The following MRPL1 variants were observed in gnomAD, a reference collection of about 807,000 sequenced individuals.
MRPL1 encodes the protein mitochondrial ribosomal protein L1, also known as large ribosomal subunit protein uL1m.
In MRPL1, 28 loss-of-function variants were observed where a neutral mutation model predicts 38.0. The observed-to-expected ratio is 0.74, with a 90% CI of 0.55 to 1.01. MRPL1 has a LOEUF of 1.01. Among genes scored for constraint, MRPL1 ranks in the 50% least tolerant of loss-of-function variants. MRPL1 has a pLI of 0.00. For missense variants in MRPL1, 358 were observed against 389.8 expected (o/e 0.92, Z 0.69); for synonymous variants, 123 against 126.7 (o/e 0.97, Z 0.20).
chr4:77,949,968 G>A (rs757671767), intron 8 of MRPL1, 90 bp downstream of exon 8: 39 of 623,040 alleles, frequency 6.3e-5, no homozygotes, highest in Non-Finnish European at 1.0e-4. Flanking sequence ...TAACATGCAA[G>A]TATAATAGCA....
intron 6 of MRPL1, among the ~76,000 whole-genome samples, chr4:77,896,419 C>T (rs1389883190): frequency 6.6e-6 from 1 of 152,132 alleles, no homozygotes; most frequent in Non-Finnish European, 1.5e-5. Flanking sequence ...CTGACACCTT[C>T]TTTTCACCCC....
intron 2 of MRPL1, among the ~76,000 whole-genome samples, chr4:77,882,461 C>T (rs2110234635): frequency 6.6e-6 from 1 of 152,232 alleles, no homozygotes; most frequent in Non-Finnish European, 1.5e-5. Flanking sequence ...GAACCCCATG[C>T]CCATGAGCAT....
intron 6 of MRPL1, among the ~76,000 whole-genome samples, chr4:77,906,259 T>C (rs1736156075): frequency 6.6e-6 from 1 of 152,112 alleles, no homozygotes; most frequent in Non-Finnish European, 1.5e-5. Context: ...CTCCTGCTGA[T>C]AGGTCAAGTC....
At chr4:77,876,873 G>A (rs189454251) in intron 2 of MRPL1, among the ~76,000 whole-genome samples, 1 of 151,540 alleles carries the variant, frequency 6.6e-6, no homozygotes, top group African/African-American at 2.4e-5. Flanking sequence ...CTTGACTGTG[G>A]GTTTTTTCTT....
At chr4:77,889,557 T>G (rs1735759690) in intron 5 of MRPL1, among the ~76,000 whole-genome samples, 1 of 151,876 alleles carries the variant, frequency 6.6e-6, no homozygotes, top group Non-Finnish European at 1.5e-5. Context: ...CACCCTAACA[T>G]CACAATTAAA....
At chr4:77,902,861 G>A (rs530103275) in intron 6 of MRPL1, among the ~76,000 whole-genome samples, 3 of 152,294 alleles carry the variant, frequency 2.0e-5, no homozygotes, top group African/African-American at 7.2e-5. Flanking sequence ...AATTAGTCAT[G>A]TATAAGTTCT....
chr4:77,930,523 G>A (rs1000733842), intron 7 of MRPL1, among the ~76,000 whole-genome samples: 3 of 152,222 alleles, frequency 2.0e-5, no homozygotes, highest in Non-Finnish European at 2.9e-5. Context: ...ATCTGAGGCG[G>A]AGCCGAGTTA....
intron 1 of MRPL1, among the ~76,000 whole-genome samples, chr4:77,863,339 C>T (rs2110224462): frequency 6.6e-6 from 1 of 152,054 alleles, no homozygotes; most frequent in Non-Finnish European, 1.5e-5. Context: ...CATAGGTGGT[C>T]TAATTTGGAT....
intron 1 of MRPL1, among the ~76,000 whole-genome samples, 194 bp from the exon 2 acceptor site, chr4:77,871,550 C>T (rs1234631085): frequency 2.0e-5 from 3 of 152,110 alleles, no homozygotes; most frequent in East Asian, 3.9e-4. Context: ...GTGATTCACC[C>T]GCCTCAGCCT....
intron 5 of MRPL1, 144 bp from the exon 6 acceptor site, chr4:77,893,995 T>C: frequency 1.7e-6 from 1 of 585,376 alleles, no homozygotes; most frequent in East Asian, 3.1e-5. Context: ...GACAGGTGTA[T>C]TTGTATGATC....
At chr4:77,935,692 G>A (rs1404203493) in intron 7 of MRPL1, among the ~76,000 whole-genome samples, 2 of 152,184 alleles carry the variant, frequency 1.3e-5, no homozygotes, top group Non-Finnish European at 1.5e-5. Flanking sequence ...CACTGTGCCC[G>A]GCTGAGAATA....
At chr4:77,887,155 A>G (rs1735696705) in intron 4 of MRPL1, 65 bp from the exon 5 acceptor site, 5 of 1,237,818 alleles carry the variant, frequency 4.0e-6, no homozygotes, top group Non-Finnish European at 5.9e-6. Context: ...CTGACAACAT[A>G]CTTCAAAGCA....
rs1735276822 is a variant in MRPL1 at position 77,871,383 on chromosome 4, C to T, written c.32-361C>T. Among the ~76,000 whole-genome samples the T allele has an allele frequency of 2.0e-5, 3 of 151,648 alleles. No homozygotes were observed. In the South Asian group the frequency reaches 6.2e-4, roughly 32 times the overall value. On this transcript the variant is annotated intron_variant, in intron 1 of 8. Coordinates refer to ENST00000315567, the MANE Select transcript of MRPL1 (RefSeq NM_020236.4). ...GCGGTGGCGCTATATCGGCTCACTG[C>T]AACCTCCGCCTCCTGGGTTCAAACG...
chr4:77,899,607 G>A (rs1288458040), intron 6 of MRPL1, among the ~76,000 whole-genome samples: 1 of 151,932 alleles, frequency 6.6e-6, no homozygotes, highest in African/African-American at 2.4e-5. Context: ...TCTTTCAGGA[G>A]GTAATGTATG....
intron 6 of MRPL1, among the ~76,000 whole-genome samples, chr4:77,902,125 CTG>C (rs1736049357): frequency 6.6e-6 from 1 of 152,144 alleles, no homozygotes; most frequent in Non-Finnish European, 1.5e-5. Flanking sequence ...AAATGAAAGA[CTG>C]TCTTAAACTG....
chr4:77,902,385 T>TAAAAAAAAAAAAAAAAA (rs552547011), intron 6 of MRPL1, among the ~76,000 whole-genome samples: 3 of 95,150 alleles, frequency 3.2e-5, no homozygotes, highest in Non-Finnish European at 6.7e-5. Context: ...ACCGGCTTTC[T>TAAAAAAAAAAAAAAAAA]AAAAAAAAAA....
At chr4:77,871,226 GA>G (rs945052041) in intron 1 of MRPL1, among the ~76,000 whole-genome samples, 218 of 137,576 alleles carry the variant, frequency 1.6e-3, no homozygotes, top group South Asian at 6.4e-3. Context: ...GTCTTTAAAA[GA>G]AAAAAAAAAG....
intron 2 of MRPL1, among the ~76,000 whole-genome samples, chr4:77,872,642 A>G (rs1375915255): frequency 6.6e-6 from 1 of 152,166 alleles, no homozygotes; most frequent in Non-Finnish European, 1.5e-5. Flanking sequence ...AGGCGGGTGG[A>G]TCACGAAGTC....
intron 6 of MRPL1, among the ~76,000 whole-genome samples, chr4:77,905,313 C>A (rs902821453): frequency 1.3e-5 from 2 of 151,438 alleles, no homozygotes; most frequent in Admixed American, 6.6e-5. Flanking sequence ...CCTGGCCAAC[C>A]TGGTGAAACC....
Sources: allele counts gnomAD v4.1 joint callset (sites outside exome capture counted in the v4.1 genomes callset), GRCh38; gene constraint gnomAD v4.1.1; transcripts MANE v1.5; gene names NCBI Gene and HGNC (gene_info 2026-07-23, HGNC 2026-07-21).